Variants in RGMA observed in about 807,000 individuals in gnomAD.
RGMA encodes repulsive guidance molecule A.
In RGMA, 10 loss-of-function variants were observed where a neutral mutation model predicts 23.2. That is an observed-to-expected ratio of 0.43 (90% CI 0.27 to 0.73). RGMA has a LOEUF of 0.73. Among genes scored for constraint, RGMA ranks in the 30% least tolerant of loss-of-function variants. The pLI, the probability that RGMA is intolerant of heterozygous loss-of-function variation, is 0.20. For synonymous variants in RGMA, 308 were observed against 279.3 expected (o/e 1.10, Z -1.03); for missense variants, 547 against 630.5 (o/e 0.87, Z 1.42).
At chr15:93,073,658 C>T in intron 1 of RGMA, 4 of 1,537,254 alleles carry the variant, frequency 2.6e-6, no homozygotes, top group African/African-American at 1.4e-5. Context: ...GCTGAAAAAC[C>T]CACTTCCGAG....
chr15:93,059,084 G>C (rs113935042), intron 2 of RGMA, among the ~76,000 whole-genome samples: 2 of 152,142 alleles, frequency 1.3e-5, no homozygotes, highest in Non-Finnish European at 2.9e-5. Context: ...CTTCGGGCTC[G>C]AGCGGGCCTG....
chr15:93,082,029 G>GT (rs1895566964), intron 1 of RGMA, among the ~76,000 whole-genome samples: 1 of 152,226 alleles, frequency 6.6e-6, no homozygotes, highest in South Asian at 2.1e-4. Context: ...TATTTCATCC[G>GT]TAAGATAGGG....
intron 3 of RGMA, among the ~76,000 whole-genome samples, chr15:93,048,537 C>T (rs1370142786): frequency 6.6e-6 from 1 of 152,268 alleles, no homozygotes; most frequent in Non-Finnish European, 1.5e-5. Flanking sequence ...GATTTCCTCG[C>T]ATCCCTTCCT....
chr15:93,049,723 C>T (rs1027880804), intron 3 of RGMA, among the ~76,000 whole-genome samples: 1 of 152,204 alleles, frequency 6.6e-6, no homozygotes, highest in Non-Finnish European at 1.5e-5. Flanking sequence ...CTCATAGCTG[C>T]AAGGTCAGGG....
chr15:93,055,410 G>A (rs1179150244), intron 2 of RGMA, among the ~76,000 whole-genome samples: 4 of 152,158 alleles, frequency 2.6e-5, no homozygotes, highest in Non-Finnish European at 4.4e-5. Flanking sequence ...GCTGCAGGCG[G>A]TACAGGCCTC....
intron 1 of RGMA, among the ~76,000 whole-genome samples, chr15:93,085,390 G>C (rs1174540745): frequency 1.3e-5 from 2 of 152,218 alleles, no homozygotes; most frequent in African/African-American, 4.8e-5. Context: ...TGACCAGATA[G>C]TTGACAGAGT....
chr15:93,048,580 A>G (rs966179284), intron 3 of RGMA, among the ~76,000 whole-genome samples: 5 of 152,056 alleles, frequency 3.3e-5, no homozygotes, highest in Non-Finnish European at 7.4e-5. Flanking sequence ...AGGACACGGC[A>G]CACTTCCCAT....
intron 2 of RGMA, among the ~76,000 whole-genome samples, chr15:93,058,941 T>A (rs984632742): frequency 2.6e-5 from 4 of 152,130 alleles, no homozygotes; most frequent in Non-Finnish European, 2.9e-5. Context: ...AAACAAAACA[T>A]GATCGTGACA....
At chr15:93,051,946 G>A in intron 3 of RGMA, 47 bp downstream of exon 3, 1 of 1,528,810 alleles carries the variant, frequency 6.5e-7, no homozygotes, top group Non-Finnish European at 8.8e-7. Context: ...ACGCAGGGCA[G>A]AGACAAAGGG....
At position 93,039,622 on chromosome 15, in the gene RGMA, A is replaced by C; in HGVS notation, c.*5376T>G. On this transcript the variant is annotated 3_prime_UTR_variant, in exon 4 of 4. Coordinates refer to ENST00000329082, the MANE Select transcript of RGMA (RefSeq NM_020211.3). The stretch of plus-strand genomic sequence containing the variant: ...CATGTGTTCTCATTGTTCAACTCCC[A>C]CTTACGAGTGAGAACATGCGGTGTT... The C allele has an allele frequency of 6.7e-6, 1 of 149,822 alleles. No individual in the cohort carries two copies. The highest frequency in any genetic ancestry group is 2.5e-5 in the African/African-American group (1 of 40,406). The allele number at this position is 149,822 out of a possible 1,614,324, so 9.3% of individuals were successfully genotyped here. A position where few individuals can be genotyped will look rare whatever the true frequency, so the allele number is the denominator to read the frequency against.
chr15:93,079,157 G>T (rs536351645), intron 1 of RGMA, among the ~76,000 whole-genome samples: 1 of 152,274 alleles, frequency 6.6e-6, no homozygotes, highest in South Asian at 2.1e-4. Context: ...CGTTCCTGGG[G>T]GATCCTCACT....
At position 93,073,098 on chromosome 15, in the gene RGMA, C is replaced by CGCCG. The variant is rs1186716210; in HGVS notation, c.15-71_15-68dup. 4.2e-6 allele frequency: 6 copies of CGCCG among 1,413,060 alleles called. No homozygotes were observed. The East Asian group carries it at 1.8e-4, about 42-fold the overall frequency. The allele number at this position is 1,413,060 out of a possible 1,614,324, so 87.5% of individuals were successfully genotyped here. The stretch of plus-strand genomic sequence containing the variant: ...CTGCGAAGAAAGGGCAGCCTCGCTC[C>CGCCG]GCCGGCGGGAGCAGCGAGCCGGGAG... On this transcript the variant is annotated intron_variant, in intron 1 of 3. Transcript: ENST00000329082.
At chr15:93,071,759 T>C (rs1323156497) in intron 2 of RGMA, among the ~76,000 whole-genome samples, 2 of 152,242 alleles carry the variant, frequency 1.3e-5, no homozygotes, top group Non-Finnish European at 2.9e-5. Flanking sequence ...CAAATCAAAA[T>C]AACCCAATCC....
chr15:93,048,812 GTGGTC>G (rs1462253771), intron 3 of RGMA, among the ~76,000 whole-genome samples: 2 of 151,614 alleles, frequency 1.3e-5, no homozygotes, highest in East Asian at 3.9e-4. Flanking sequence ...GCCAGCCAGG[GTGGTC>G]TGGGCCGTGG....
rs1257938986 is a variant in RGMA at position 93,072,964 on chromosome 15, G to A, written c.82C>T (p.Leu28=). 6.2e-7 allele frequency: 1 copy of A among 1,611,370 alleles called. No individual in the cohort carries two copies. Among genetic ancestry groups the A allele is most frequent in the Non-Finnish European group, 8.5e-7 (1 of 1,179,080 alleles). Residue 28 remains leucine, a synonymous_variant, in exon 2 of 4, where the codon CTG becomes TTG. Transcript: ENST00000329082. ...GMGRGAGRSA[L]GFWPTLAFLL... is the part of the protein sequence containing the mutation. ...AAGGCGAGGGTCGGCCAGAATCCCA[G>A]GGCTGAACGTCCTGCCCCTCTCCCC... is the stretch of plus-strand genomic sequence containing the variant.
intron 3 of RGMA, among the ~76,000 whole-genome samples, chr15:93,047,216 C>T (rs369402712): frequency 4.3e-4 from 65 of 152,252 alleles, no homozygotes; most frequent in East Asian, 1.5e-3. Flanking sequence ...CTGCCGTCCG[C>T]GTCCTGGGTG....
chr15:93,065,944 TAGA>T lies in RGMA; in HGVS notation c.130+6969_130+6971del, dbSNP rs768316198. 703 of 797,616 alleles carry T rather than the reference TAGA, an allele frequency of 8.8e-4. 3 individuals carry two copies. Among genetic ancestry groups the T allele is most frequent in the Non-Finnish European group, 1.2e-3 (586 of 476,344 alleles). The allele number at this position is 797,616 out of a possible 1,614,324, so 49.4% of individuals were successfully genotyped here. A position where few individuals can be genotyped will look rare whatever the true frequency, so the allele number is the denominator to read the frequency against. On this transcript the variant is annotated intron_variant, in intron 2 of 3. Transcript: ENST00000329082. Reference sequence around the variant, plus strand: ...AGGGACTCGCACAAACCACCGTCGGTAGAAGAAGGGTGGGGGGCGCCGTCGTCT... The same window carrying T: ...AGGGACTCGCACAAACCACCGTCGGTAGAAGGGTGGGGGGCGCCGTCGTCT...
rs780065546 is a variant in RGMA at position 93,045,096 on chromosome 15, C to A, written c.1255G>T (p.Asp419Tyr). 1 of 1,581,682 alleles carries A rather than the reference C, an allele frequency of 6.3e-7. No individual in the cohort carries two copies. The highest frequency in any genetic ancestry group is 8.6e-7 in the Non-Finnish European group (1 of 1,164,136). The change falls in exon 4 of 4, where the codon GAC becomes TAC. Residue 419 changes from aspartate (D) to tyrosine (Y), a missense_variant. Asp to Tyr is a radical substitution (Grantham distance 160). Around this residue, in one of 3 missense-constraint regions of RGMA, gnomAD observed 205 missense variants for 204.1 expected, o/e 1.00. Coordinates refer to ENST00000329082, the MANE Select transcript of RGMA (RefSeq NM_020211.3). The surrounding 1 kb of genome is among the most constrained non-coding windows in gnomAD (Gnocchi z 6.9). The part of the protein sequence containing the change: ...DKLHLYERTR[D>Y]LPGRAAAGLP... The stretch of plus-strand genomic sequence containing the variant: ...CCCGCAGCCGCCCTGCCTGGCAGGT[C>A]CCGAGTCCTCTCATACAGGTGCAGT...
chr15:93,066,950 C>T (rs1007672124), intron 2 of RGMA, among the ~76,000 whole-genome samples: 3 of 152,250 alleles, frequency 2.0e-5, no homozygotes, highest in African/African-American at 7.2e-5. Context: ...CCCTGTGTTT[C>T]CTCATCAGTG....
Sources: allele counts gnomAD v4.1 joint callset (sites outside exome capture counted in the v4.1 genomes callset), GRCh38; gene constraint gnomAD v4.1.1; regional missense constraint gnomAD v4.1.1; non-coding constraint Gnocchi (gnomAD v3.1); transcripts MANE v1.5; gene names NCBI Gene and HGNC (gene_info 2026-07-23, HGNC 2026-07-21).